ROBO2: variants seen among roughly 807,000 people sequenced by gnomAD.
The protein encoded by ROBO2 is roundabout homolog 2.
In ROBO2, 53 loss-of-function variants were observed where a neutral mutation model predicts 160.8. The ratio of observed to expected loss-of-function variants is 0.33; its 90% CI spans 0.26 to 0.41. The LOEUF is 0.41. ROBO2 is among the 10% of genes least tolerant of loss of function. The probability of loss-of-function intolerance (pLI) is 1.00; values close to 1 mark genes in which losing one functional copy is unlikely to be tolerated. For missense variants in ROBO2, 1,577 were observed against 1,722.4 expected, an observed-to-expected ratio of 0.92 and a Z score of 1.49; for synonymous variants, 664 against 611.7, an observed-to-expected ratio of 1.09 and a Z score of -1.26.
intron 2 of ROBO2, among the ~76,000 whole-genome samples, chr3:77,034,020 G>A (rs983383768): frequency 2.0e-5 from 3 of 151,406 alleles, no homozygotes; most frequent in Non-Finnish European, 4.4e-5. Flanking sequence ...TGGTCCTTTG[G>A]ATCCTTTAAA....
At chr3:76,996,973 A>G (rs1198030429) in intron 2 of ROBO2, among the ~76,000 whole-genome samples, 1 of 152,120 alleles carries the variant, frequency 6.6e-6, no homozygotes, top group East Asian at 1.9e-4. Flanking sequence ...CTTCTTGTGT[A>G]TAAGTTAATG....
At chr3:77,291,157 A>T (rs1224938578) in intron 2 of ROBO2, among the ~76,000 whole-genome samples, 1 of 151,670 alleles carries the variant, frequency 6.6e-6, no homozygotes, top group East Asian at 1.9e-4. Context: ...TTAAACGGGA[A>T]GTTGAGGCTA....
At chr3:76,405,881 T>C (rs1420182523) in intron 2 of ROBO2, among the ~76,000 whole-genome samples, 8 of 151,764 alleles carry the variant, frequency 5.3e-5, no homozygotes, top group Non-Finnish European at 7.4e-5. Context: ...TTGAAAATGA[T>C]TTGCTCATAT....
intron 2 of ROBO2, among the ~76,000 whole-genome samples, chr3:76,453,442 C>A (rs2077579835): frequency 6.6e-6 from 1 of 152,148 alleles, no homozygotes; most frequent in Non-Finnish European, 1.5e-5. Context: ...GAATCCTTTC[C>A]CCATTGCTTG....
intron 2 of ROBO2, among the ~76,000 whole-genome samples, chr3:77,226,233 A>C (rs1032652491): frequency 6.6e-6 from 1 of 152,080 alleles, no homozygotes; most frequent in African/African-American, 2.4e-5. Flanking sequence ...TTATGGCAAG[A>C]AATTACTGTC....
intron 2 of ROBO2, among the ~76,000 whole-genome samples, chr3:77,165,861 C>A (rs1179320406): frequency 6.6e-6 from 1 of 152,076 alleles, no homozygotes; most frequent in Admixed American, 6.6e-5. Flanking sequence ...TCTTTTATCC[C>A]CAACTTTTCT....
chr3:76,525,500 TGTAA>T lies in ROBO2; in HGVS notation c.110-572509_110-572506del, dbSNP rs893617494. Among the ~76,000 whole-genome samples, 7 of 152,126 alleles carry T rather than the reference TGTAA, an allele frequency of 4.6e-5. No individual in the cohort carries two copies. In the East Asian group the frequency reaches 9.7e-4, roughly 21 times the overall value. On this transcript the variant is annotated intron_variant, in intron 2 of 26. Transcript: ENST00000487694. ...GTTTCAAGTAAAGATGCATTTTCTGTGTAAGTAATTCATCTTCTTTCCTTTCTTA... is the reference window on the plus strand; with the variant it reads ...GTTTCAAGTAAAGATGCATTTTCTGTGTAATTCATCTTCTTTCCTTTCTTA...
intron 2 of ROBO2, among the ~76,000 whole-genome samples, chr3:77,168,334 T>C (rs894871485): frequency 3.3e-5 from 5 of 152,208 alleles, no homozygotes; most frequent in African/African-American, 1.2e-4. Flanking sequence ...CTATATACAG[T>C]TAAAAATGAA....
At chr3:77,368,343 T>A (rs545111544) in intron 2 of ROBO2, among the ~76,000 whole-genome samples, 2 of 152,292 alleles carry the variant, frequency 1.3e-5, no homozygotes, top group East Asian at 3.9e-4. Context: ...CATTTATATG[T>A]GCAAATGTAT....
chr3:76,569,798 T>A (rs1578219937), intron 2 of ROBO2, among the ~76,000 whole-genome samples: 1 of 152,092 alleles, frequency 6.6e-6, no homozygotes, highest in East Asian at 1.9e-4. Context: ...GTATTTCTTT[T>A]ATGCTTATTA....
chr3:77,314,508 T>C (rs2063805912), intron 2 of ROBO2, among the ~76,000 whole-genome samples: 1 of 152,210 alleles, frequency 6.6e-6, no homozygotes, highest in Non-Finnish European at 1.5e-5. Flanking sequence ...AATTATAACA[T>C]TGATTCAACA....
At chr3:75,966,350 C>G (rs1949115389) in intron 2 of ROBO2, among the ~76,000 whole-genome samples, 1 of 151,608 alleles carries the variant, frequency 6.6e-6, no homozygotes, top group African/African-American at 2.4e-5. Context: ...ATACAATAGT[C>G]ACAGTAGCAA....
At chr3:76,462,018 A>C (rs2078113366) in intron 2 of ROBO2, among the ~76,000 whole-genome samples, 1 of 152,112 alleles carries the variant, frequency 6.6e-6, no homozygotes, top group Non-Finnish European at 1.5e-5. Flanking sequence ...CCCCACCAAC[A>C]ACAACCTCAA....
At chr3:77,411,701 T>C (rs1474961107) in intron 2 of ROBO2, among the ~76,000 whole-genome samples, 2 of 152,204 alleles carry the variant, frequency 1.3e-5, no homozygotes, top group Admixed American at 6.5e-5. Flanking sequence ...TATTTATGCA[T>C]ATTAGCTTAT....
chr3:76,692,925 T>C, intron 2 of ROBO2, among the ~76,000 whole-genome samples: 1 of 151,538 alleles, frequency 6.6e-6, no homozygotes, highest in Non-Finnish European at 1.5e-5. Context: ...TGTGTATCTA[T>C]ATATAGTGTG....
At chr3:76,100,536 G>A (rs2069641774) in intron 2 of ROBO2, among the ~76,000 whole-genome samples, 1 of 152,086 alleles carries the variant, frequency 6.6e-6, no homozygotes, top group Admixed American at 6.5e-5. Context: ...ATTGAATAGA[G>A]TTGAACATAA....
At chr3:76,626,484 C>T (rs1292727450) in intron 2 of ROBO2, among the ~76,000 whole-genome samples, 1 of 151,922 alleles carries the variant, frequency 6.6e-6, no homozygotes, top group African/African-American at 2.4e-5. Flanking sequence ...CAAAAAAGTA[C>T]CAAGAAAATG....
At chr3:76,522,318 T>C (rs2081668533) in intron 2 of ROBO2, among the ~76,000 whole-genome samples, 1 of 152,176 alleles carries the variant, frequency 6.6e-6, no homozygotes, top group Non-Finnish European at 1.5e-5. Context: ...GCAATTACCC[T>C]ATGTTTTGGG....
At chr3:77,251,598 G>C (rs149840067) in intron 2 of ROBO2, among the ~76,000 whole-genome samples, 41 of 152,264 alleles carry the variant, frequency 2.7e-4, no homozygotes, top group Non-Finnish European at 4.6e-4. Flanking sequence ...CACACCCTTA[G>C]TGATATGGAT....
Sources: gnomAD v4.1 joint callset for allele counts (sites outside exome capture counted in the v4.1 genomes callset) on GRCh38, gnomAD v4.1.1 for gene constraint, MANE v1.5 for transcripts, NCBI Gene and HGNC (gene_info 2026-07-23, HGNC 2026-07-21) for gene names.